The following SMG6 variants were observed in gnomAD, a reference collection of about 807,000 sequenced individuals.
SMG6 encodes SMG6 nonsense mediated mRNA decay factor, also known as telomerase-binding protein EST1A.
A neutral mutation model predicts 142.2 loss-of-function variants in SMG6; 66 were observed. The ratio of observed to expected loss-of-function variants is 0.46; its 90% CI spans 0.38 to 0.57. SMG6 has a LOEUF of 0.57. Among genes scored for constraint, SMG6 ranks in the 20% least tolerant of loss-of-function variants. The pLI is 0.00. For missense variants in SMG6, 1,793 were observed against 1,832.0 expected, an observed-to-expected ratio of 0.98 and a Z score of 0.39; for synonymous variants, 779 against 702.4, an observed-to-expected ratio of 1.11 and a Z score of -1.72.
chr17:2,178,748 T>C (rs1328936976), intron 12 of SMG6, among the ~76,000 whole-genome samples: 2 of 152,174 alleles, frequency 1.3e-5, no homozygotes, highest in Non-Finnish European at 2.9e-5. Flanking sequence ...TATGGTGTGC[T>C]AAACCCATCA....
rs1390571802 is a variant in SMG6 at position 2,230,410 on chromosome 17, T to G, written c.2869+6082A>C. On this transcript the variant is annotated intron_variant, in intron 10 of 18. Transcript: ENST00000263073. The stretch of plus-strand genomic sequence containing the variant: ...AACGAAATCTGGGCAACATGGGATA[T>G]TGCATCTCTCACTCCACACCAAAGC... 2.0e-5 allele frequency among the ~76,000 whole-genome samples: 3 copies of G among 150,256 alleles called. No individual in the cohort carries two copies. In the East Asian group the frequency reaches 5.8e-4, roughly 29 times the overall value.
At chr17:2,265,084 G>A (rs756594736) in intron 8 of SMG6, among the ~76,000 whole-genome samples, 5 of 152,116 alleles carry the variant, frequency 3.3e-5, no homozygotes, top group Non-Finnish European at 5.9e-5. Context: ...TTTTGACCTT[G>A]TCAAGCTTCA....
chr17:2,121,180 T>A (rs1031050151), intron 13 of SMG6, among the ~76,000 whole-genome samples: 1 of 152,206 alleles, frequency 6.6e-6, no homozygotes, highest in Non-Finnish European at 1.5e-5. Flanking sequence ...TGAAAACACA[T>A]GTCCAAAAAC....
intron 10 of SMG6, among the ~76,000 whole-genome samples, chr17:2,202,277 A>G (rs891363653): frequency 2.6e-5 from 4 of 152,160 alleles, no homozygotes; most frequent in Admixed American, 2.0e-4. Context: ...AATGTCAAAA[A>G]CAGACTCACA....
intron 8 of SMG6, among the ~76,000 whole-genome samples, chr17:2,277,224 T>C (rs1349927222): frequency 6.7e-6 from 1 of 149,044 alleles, no homozygotes; most frequent in African/African-American, 2.5e-5. Context: ...TGGAGTGCAG[T>C]GGCGCGATCT....
chr17:2,206,452 T>C (rs1327232633), intron 10 of SMG6, among the ~76,000 whole-genome samples: 1 of 151,700 alleles, frequency 6.6e-6, no homozygotes, highest in East Asian at 1.9e-4. Context: ...GGTGGCATGC[T>C]CCTGTAGTTC....
chr17:2,128,248 C>T (rs890128175), intron 13 of SMG6, among the ~76,000 whole-genome samples: 1 of 152,198 alleles, frequency 6.6e-6, no homozygotes, highest in Non-Finnish European at 1.5e-5. Flanking sequence ...CGGCACGGAG[C>T]AGCGGCGGTC....
Position 2,299,110 on chromosome 17 carries a change from G to A in SMG6, c.1643C>T (p.Pro548Leu), listed in dbSNP as rs558518948. ...ACACACATACTGTCCTGACGGAGTCGGGTAGCCTGGGTAGTAAGGCCCTGG... is the reference window on the plus strand; with the variant it reads ...ACACACATACTGTCCTGACGGAGTCAGGTAGCCTGGGTAGTAAGGCCCTGG... The part of the protein sequence containing the change: ...VYPGPYYPGY[P>L]TPSGQYVCSP... Residue 548 changes from proline (P) to leucine (L), a missense_variant, in exon 2 of 19, where the codon CCG becomes CTG. This residue lies in a region of SMG6 where 1,597 missense variants were observed against 1,584.6 expected (regional missense o/e 1.01). Coordinates refer to ENST00000263073, the MANE Select transcript of SMG6 (RefSeq NM_017575.5). The surrounding 1 kb of genome is among the most constrained non-coding windows in gnomAD (Gnocchi z 4.3). The A allele has an allele frequency of 5.2e-5, 84 of 1,613,910 alleles. No individual in the cohort carries two copies. Among genetic ancestry groups the A allele is most frequent in the African/African-American group, 6.7e-5 (5 of 74,908 alleles).
intron 13 of SMG6, among the ~76,000 whole-genome samples, chr17:2,106,504 GAGAGGAAAGGGCA>G (rs2069159479): frequency 6.6e-6 from 1 of 152,174 alleles, no homozygotes; most frequent in African/African-American, 2.4e-5. Flanking sequence ...GCTATAGTTA[GAGAGGAAAGGGCA>G]AGAAGGAAGG....
chr17:2,131,300 T>A (rs1051923709), intron 13 of SMG6, among the ~76,000 whole-genome samples: 2 of 64,194 alleles, frequency 3.1e-5, no homozygotes, highest in African/African-American at 1.9e-4. Context: ...TCAGAAATGA[T>A]TTTTTTTTTT....
At chr17:2,194,180 C>T (rs969393065) in intron 10 of SMG6, among the ~76,000 whole-genome samples, 3 of 152,136 alleles carry the variant, frequency 2.0e-5, no homozygotes, top group Non-Finnish European at 2.9e-5. Flanking sequence ...ACTTGAGGCA[C>T]GCAAGTACTG....
intron 13 of SMG6, chr17:2,087,218 G>A (rs1171753536): frequency 8.5e-6 from 11 of 1,290,242 alleles, no homozygotes; most frequent in Non-Finnish European, 1.1e-5. Flanking sequence ...CACACAGTAG[G>A]CTCACAGTAA....
chr17:2,126,447 C>G (rs2069880047), intron 13 of SMG6, among the ~76,000 whole-genome samples: 1 of 151,934 alleles, frequency 6.6e-6, no homozygotes, highest in Non-Finnish European at 1.5e-5. Flanking sequence ...ATAAGCAGAC[C>G]AGACACAGTG....
chr17:2,129,130 T>C (rs2070014730), intron 13 of SMG6, among the ~76,000 whole-genome samples: 2 of 152,022 alleles, frequency 1.3e-5, no homozygotes, highest in African/African-American at 2.4e-5. Context: ...GGCGGATCGC[T>C]TGAGCCCAGG....
chr17:2,158,550 C>T (rs944151584), intron 13 of SMG6, among the ~76,000 whole-genome samples: 14 of 152,054 alleles, frequency 9.2e-5, no homozygotes, highest in African/African-American at 3.4e-4. Flanking sequence ...CCTTCAAAAG[C>T]CTTTGTCCTA....
chr17:2,297,829 C>T, intron 3 of SMG6, 34 bp downstream of exon 3: 1 of 1,592,122 alleles, frequency 6.3e-7, no homozygotes, highest in Non-Finnish European at 8.5e-7. Context: ...AATGCTGAAG[C>T]CTTTATCCTG....
At chr17:2,167,727 T>A (rs752154532) in intron 13 of SMG6, among the ~76,000 whole-genome samples, 2 of 152,176 alleles carry the variant, frequency 1.3e-5, no homozygotes, top group Non-Finnish European at 2.9e-5. Flanking sequence ...AGAATAAGCA[T>A]CAAGGCAGGA....
intron 10 of SMG6, among the ~76,000 whole-genome samples, chr17:2,230,299 T>C (rs1597657770): frequency 1.3e-5 from 1 of 78,266 alleles, no homozygotes; most frequent in Non-Finnish European, 2.3e-5. Context: ...TAAGTCCATG[T>C]CGGGGCAAAA....
chr17:2,185,991 T>C (rs1039351501), intron 12 of SMG6, among the ~76,000 whole-genome samples: 3 of 152,012 alleles, frequency 2.0e-5, no homozygotes, highest in Non-Finnish European at 4.4e-5. Context: ...TTTGGGAGGC[T>C]GAGGCAGGTG....
Sources: gnomAD v4.1 joint callset for allele counts (sites outside exome capture counted in the v4.1 genomes callset) on GRCh38, gnomAD v4.1.1 for gene constraint, gnomAD v4.1.1 regional missense constraint, Gnocchi (gnomAD v3.1) non-coding constraint, MANE v1.5 for transcripts, NCBI Gene and HGNC (gene_info 2026-07-23, HGNC 2026-07-21) for gene names.